DLC1: variants seen among roughly 807,000 people sequenced by gnomAD.
The protein encoded by DLC1 is rho GTPase-activating protein 7.
In DLC1, 54 loss-of-function variants were observed where a neutral mutation model predicts 140.3. That is an observed-to-expected ratio of 0.38 (90% CI 0.31 to 0.48). The LOEUF is 0.48. DLC1 is among the 20% of genes least tolerant of loss of function. DLC1 has a pLI of 0.96. For synonymous variants in DLC1, 986 were observed against 728.1 expected (o/e 1.35, Z -5.70); for missense variants, 2,536 against 1,907.0 (o/e 1.33, Z -6.14).
At chr8:13,203,304 T>C (rs966984203) in intron 5 of DLC1, among the ~76,000 whole-genome samples, 5 of 152,210 alleles carry the variant, frequency 3.3e-5, no homozygotes, top group African/African-American at 1.2e-4. Flanking sequence ...ATTTGAATGA[T>C]TTCTTTTTTC....
chr8:13,499,568 A>T lies in DLC1; in HGVS notation c.504T>A (p.Gly168=), dbSNP rs1326122172. The T allele has an allele frequency of 3.7e-6, 6 of 1,613,962 alleles. No homozygotes were observed. The highest frequency in any genetic ancestry group is 5.1e-6 in the Non-Finnish European group (6 of 1,180,000). ...CTTTTACCAGTGCTAATTCAGTTTC[A>T]CCAGCTATTCCCCAGGAGTTAGAAG... is the stretch of plus-strand genomic sequence containing the variant. ...QVSSNSWGIA[G]ETELALVKES... is the part of the protein sequence containing the mutation. Residue 168 remains glycine (G), a synonymous_variant, in exon 2 of 18, where the codon GGT becomes GGA. Transcript: ENST00000276297.
At chr8:13,443,371 C>T (rs1044298394) in intron 2 of DLC1, among the ~76,000 whole-genome samples, 5 of 138,036 alleles carry the variant, frequency 3.6e-5, no homozygotes, top group African/African-American at 8.1e-5. Context: ...AAAAACTGCC[C>T]AAATGAGGCC....
intron 5 of DLC1, among the ~76,000 whole-genome samples, chr8:13,242,781 G>T (rs1243705591): frequency 6.6e-6 from 1 of 152,064 alleles, no homozygotes; most frequent in African/African-American, 2.4e-5. Flanking sequence ...AAATCAGAAG[G>T]AATTGAAATC....
intron 6 of DLC1, among the ~76,000 whole-genome samples, chr8:13,113,632 T>C (rs1305477187): frequency 6.6e-6 from 1 of 152,244 alleles, no homozygotes; most frequent in African/African-American, 2.4e-5. Flanking sequence ...ACTTTGGTGT[T>C]ACTGCCAATG....
chr8:13,455,581 A>G (rs538552638), intron 2 of DLC1, among the ~76,000 whole-genome samples: 21 of 152,238 alleles, frequency 1.4e-4, no homozygotes, highest in African/African-American at 4.8e-4. Context: ...TCTCTCCCTT[A>G]TCTCTTTCAG....
At chr8:13,314,564 A>G (rs1832793495) in intron 4 of DLC1, among the ~76,000 whole-genome samples, 1 of 152,126 alleles carries the variant, frequency 6.6e-6, no homozygotes, top group Non-Finnish European at 1.5e-5. Flanking sequence ...ATATTCAAAT[A>G]TAAGCTTAGT....
intron 4 of DLC1, among the ~76,000 whole-genome samples, chr8:13,312,720 T>G (rs892874304): frequency 1.7e-4 from 26 of 152,298 alleles, no homozygotes; most frequent in African/African-American, 5.5e-4. Flanking sequence ...ATATATCTCC[T>G]TAAATTTGCA....
chr8:13,574,796 C>A (rs943307205), intron 1 of DLC1, among the ~76,000 whole-genome samples: 6 of 152,160 alleles, frequency 3.9e-5, no homozygotes, highest in Non-Finnish European at 8.8e-5. Flanking sequence ...ACATCTGAGT[C>A]ATTCAAATTC....
chr8:13,375,370 A>G (rs11994202), intron 4 of DLC1, among the ~76,000 whole-genome samples: 1 of 151,920 alleles, frequency 6.6e-6, no homozygotes, highest in African/African-American at 2.4e-5. Flanking sequence ...TATCCTGAGA[A>G]TTTTCTGAAG....
chr8:13,345,319 G>T (rs1834277612), intron 4 of DLC1, among the ~76,000 whole-genome samples: 1 of 152,034 alleles, frequency 6.6e-6, no homozygotes, highest in Non-Finnish European at 1.5e-5. Flanking sequence ...ATGAAGAAGA[G>T]AGTCGATTCA....
At chr8:13,121,264 A>G (rs1300437764) in intron 5 of DLC1, among the ~76,000 whole-genome samples, 1 of 152,128 alleles carries the variant, frequency 6.6e-6, no homozygotes, top group Non-Finnish European at 1.5e-5. Flanking sequence ...GTGCTTTTTG[A>G]TCCAAACCAA....
chr8:13,175,077 C>T (rs552961660), intron 5 of DLC1, among the ~76,000 whole-genome samples: 15 of 152,226 alleles, frequency 9.9e-5, no homozygotes, highest in African/African-American at 2.9e-4. Flanking sequence ...CTTCTGCATA[C>T]GGCTAGCCAG....
intron 5 of DLC1, among the ~76,000 whole-genome samples, chr8:13,166,968 T>C (rs1326610328): frequency 6.6e-6 from 1 of 152,184 alleles, no homozygotes; most frequent in East Asian, 1.9e-4. Context: ...TTCCCTATGA[T>C]GAAAATGAAG....
intron 5 of DLC1, among the ~76,000 whole-genome samples, chr8:13,192,651 C>T (rs1480893576): frequency 1.3e-5 from 2 of 152,148 alleles, no homozygotes; most frequent in Admixed American, 6.5e-5. Context: ...TCTCAACTCC[C>T]AGTAGTCAGA....
At chr8:13,581,415 A>G (rs530968992) in intron 1 of DLC1, among the ~76,000 whole-genome samples, 231 of 152,292 alleles carry the variant, frequency 1.5e-3, no homozygotes, top group African/African-American at 5.4e-3. Flanking sequence ...CATTTCAGTA[A>G]ATAGAACTAA....
chr8:13,583,709 G>C (rs1170001253), intron 1 of DLC1, among the ~76,000 whole-genome samples: 2 of 152,200 alleles, frequency 1.3e-5, no homozygotes, highest in African/African-American at 4.8e-5. Context: ...GATTAAAAAA[G>C]AAGCAACACT....
chr8:13,220,145 G>C (rs1021044064), intron 5 of DLC1, among the ~76,000 whole-genome samples: 3 of 152,074 alleles, frequency 2.0e-5, no homozygotes, highest in Non-Finnish European at 2.9e-5. Context: ...AATGCCCTTG[G>C]ATTGTACATT....
At chr8:13,236,317 AATCTT>A (rs1829279501) in intron 5 of DLC1, among the ~76,000 whole-genome samples, 1 of 152,092 alleles carries the variant, frequency 6.6e-6, no homozygotes, top group African/African-American at 2.4e-5. Flanking sequence ...TTCTTTTAAC[AATCTT>A]AGTTCAAGTT....
chr8:13,183,361 G>T (rs1034553210), intron 5 of DLC1, among the ~76,000 whole-genome samples: 1 of 152,164 alleles, frequency 6.6e-6, no homozygotes, highest in Admixed American at 6.5e-5. Flanking sequence ...GGTTGAATAG[G>T]AGTGGTGAGA....
Sources: allele counts gnomAD v4.1 joint callset (sites outside exome capture counted in the v4.1 genomes callset), GRCh38; gene constraint gnomAD v4.1.1; transcripts MANE v1.5; gene names NCBI Gene and HGNC (gene_info 2026-07-23, HGNC 2026-07-21).